INHBA: variants seen among roughly 807,000 people sequenced by gnomAD.
The protein encoded by INHBA is inhibin subunit beta A.
Under a neutral mutation model 29.0 loss-of-function variants are expected in INHBA, and 1 was observed. That is an observed-to-expected ratio of 0.03 (90% CI 0.01 to 0.16). INHBA has a LOEUF of 0.16. INHBA is among the 10% of genes least tolerant of loss of function. The pLI is 1.00. For missense variants in INHBA, 376 were observed against 545.4 expected (o/e 0.69, Z 3.09); for synonymous variants, 242 against 216.8 (o/e 1.12, Z -1.02).
chr7:41,696,961 G>A lies in INHBA; in HGVS notation c.388+3026C>T, dbSNP rs368232451. 1.5e-4 allele frequency among the ~76,000 whole-genome samples: 23 copies of A among 152,228 alleles called. No homozygotes were observed. In the East Asian group the frequency reaches 3.5e-3, roughly 23 times the overall value. On this transcript the variant is annotated intron_variant, in intron 2 of 2. Coordinates refer to ENST00000242208, the MANE Select transcript of INHBA (RefSeq NM_002192.4). ...TCTTTCCCTATTCTTTCTACAACAA[G>A]TGCTATCAATTGCTAAGCTAATTAC... is the stretch of plus-strand genomic sequence containing the variant.
Position 41,689,641 on chromosome 7 carries a change from T to C in INHBA, c.*9A>G. 1 of 1,546,564 alleles carries C rather than the reference T, an allele frequency of 6.5e-7. No homozygotes were observed. Among genetic ancestry groups the C allele is most frequent in the Non-Finnish European group, 8.7e-7 (1 of 1,146,788 alleles). On this transcript the variant is annotated 3_prime_UTR_variant, in exon 3 of 3. Coordinates refer to ENST00000242208, the MANE Select transcript of INHBA (RefSeq NM_002192.4). ...ACTCTTGCTCCCTTTCCCCCTGGGC[T>C]GGGCAACTCTATGAGCACCCACACT... is the stretch of plus-strand genomic sequence containing the variant.
upstream of INHBA, among the ~76,000 whole-genome samples, chr7:41,704,649 T>C (rs1024341523): frequency 1.9e-5 from 2 of 105,104 alleles, no homozygotes; most frequent in African/African-American, 7.0e-5. Flanking sequence ...TGTGTGTGTG[T>C]GTGTGTGTAG....
chr7:41,703,937 CT>C (rs36006177), upstream of INHBA, among the ~76,000 whole-genome samples: 135 of 152,000 alleles, frequency 8.9e-4, no homozygotes, highest in Non-Finnish European at 2.4e-4. Flanking sequence ...GCTGGTCAGG[CT>C]TTTTTTGTGG....
At chr7:41,698,971 A>C (rs1297584562) in intron 2 of INHBA, among the ~76,000 whole-genome samples, 2 of 152,240 alleles carry the variant, frequency 1.3e-5, no homozygotes, top group African/African-American at 4.8e-5. Context: ...TTAGCCTGGC[A>C]TTACCATGAA....
intron 2 of INHBA, among the ~76,000 whole-genome samples, chr7:41,695,416 C>G (rs1010667208): frequency 6.6e-6 from 1 of 152,212 alleles, no homozygotes; most frequent in African/African-American, 2.4e-5. Context: ...CTACCATTTA[C>G]AGGGTGCATT....
At chr7:41,697,985 AAGTCAACC>A (rs1291395768) in intron 2 of INHBA, among the ~76,000 whole-genome samples, 1 of 152,226 alleles carries the variant, frequency 6.6e-6, no homozygotes, top group Non-Finnish European at 1.5e-5. Context: ...TCAAGTTGTA[AAGTCAACC>A]AGGAGTTTCC....
chr7:41,698,266 G>T (rs984403153), intron 2 of INHBA, among the ~76,000 whole-genome samples: 7 of 152,230 alleles, frequency 4.6e-5, no homozygotes, highest in Admixed American at 4.6e-4. Flanking sequence ...GGGGCATATT[G>T]CTAGTAACGG....
rs994074587 is a variant in INHBA, at chr7:41,687,851, C to G, written c.*1799G>C. ...AAATATTATTTTTCTGAAAAAGCTT[C>G]TGATTTAAGATTGATTCCAATAGAC... On this transcript the variant is annotated 3_prime_UTR_variant, in exon 3 of 3. Transcript: ENST00000242208. The G allele has an allele frequency of 5.9e-5, 9 of 152,150 alleles. No individual in the cohort carries two copies. Among genetic ancestry groups the G allele is most frequent in the Non-Finnish European group, 1.0e-4 (7 of 68,028 alleles). The allele number at this position is 152,150 out of a possible 1,614,324, so 9.4% of individuals were successfully genotyped here.
In INHBA at chr7:41,687,788, T is replaced by C. The variant is rs893997315; in HGVS notation, c.*1862A>G. 4 of 152,218 alleles carry C rather than the reference T, an allele frequency of 2.6e-5. No individual in the cohort carries two copies. Among genetic ancestry groups the C allele is most frequent in the Admixed American group, 1.3e-4 (2 of 15,284 alleles). The allele number at this position is 152,218 out of a possible 1,614,324, so 9.4% of individuals were successfully genotyped here. On this transcript the variant is annotated 3_prime_UTR_variant, in exon 3 of 3. Transcript: ENST00000242208. ...AATATTTCTCACAACCAAGCCTTAA[T>C]CATTTTTAAAAAATACACTCAACTC...
chr7:41,699,443 A>C (rs1290056661), intron 2 of INHBA, among the ~76,000 whole-genome samples: 1 of 152,128 alleles, frequency 6.6e-6, no homozygotes, highest in Non-Finnish European at 1.5e-5. Context: ...GTCACTCATA[A>C]ATATGCCCTG....
chr7:41,697,630 GT>G (rs1794678096), intron 2 of INHBA, among the ~76,000 whole-genome samples: 1 of 152,210 alleles, frequency 6.6e-6, no homozygotes, highest in Non-Finnish European at 1.5e-5. Flanking sequence ...GCACAAAATG[GT>G]TATAAGGGAA....
In INHBA at chr7:41,686,749, C is replaced by T. The variant is rs898065745; in HGVS notation, c.*2901G>A. The T allele has an allele frequency of 1.4e-4, 21 of 152,190 alleles. No individual in the cohort carries two copies. Among genetic ancestry groups the T allele is most frequent in the Non-Finnish European group, 2.6e-4 (18 of 68,002 alleles). 9.4% of individuals were successfully genotyped at this position (152,190 alleles called of 1,614,324 possible). On this transcript the variant is annotated 3_prime_UTR_variant, in exon 3 of 3. Transcript: ENST00000242208. ...CACTAATCAACCCCCATGTTATCCC[C>T]GATATGTCTAGGACTTAGCTTAAAA...
At chr7:41,699,345 A>G (rs770397348) in intron 2 of INHBA, among the ~76,000 whole-genome samples, 1 of 152,120 alleles carries the variant, frequency 6.6e-6, no homozygotes, top group African/African-American at 2.4e-5. Flanking sequence ...CTGCTGGTTC[A>G]ATGACAACTG....
At chr7:41,698,460 T>C (rs1794698545) in intron 2 of INHBA, among the ~76,000 whole-genome samples, 1 of 152,164 alleles carries the variant, frequency 6.6e-6, no homozygotes, top group African/African-American at 2.4e-5. Flanking sequence ...AAATATTTTC[T>C]TTTTTACCTT....
intron 2 of INHBA, among the ~76,000 whole-genome samples, chr7:41,693,189 G>GTTTTTT: frequency 6.6e-6 from 1 of 152,330 alleles, no homozygotes; most frequent in East Asian, 1.9e-4. Flanking sequence ...GTTGGGTTTT[G>GTTTTTT]TTTTTCTAGG....
rs955841307 is a variant in INHBA, at chr7:41,689,653, T to C, written c.1278A>G (p.Ser426=). The change falls in exon 3 of 3, where the codon TCA becomes TCG. Residue 426 remains serine (S), a synonymous_variant. Transcript: ENST00000242208. ...QNMIVEECGC[S] Reference sequence around the variant, plus strand: ...TTTCCCCCTGGGCTGGGCAACTCTATGAGCACCCACACTCCTCCACGATCA... The same window carrying C: ...TTTCCCCCTGGGCTGGGCAACTCTACGAGCACCCACACTCCTCCACGATCA... 6.4e-7 allele frequency: 1 copy of C among 1,567,084 alleles called. No homozygotes were observed.
At chr7:41,691,958 G>A (rs1206683796) in intron 2 of INHBA, 2 of 152,218 alleles carry the variant, frequency 1.3e-5, no homozygotes, top group Non-Finnish European at 2.9e-5. Flanking sequence ...AGCAATCGCT[G>A]CTAATGGACA....
In INHBA at chr7:41,687,347, A is replaced by G. The variant is rs1394932598; in HGVS notation, c.*2303T>C. 2 of 152,228 alleles carry G rather than the reference A, an allele frequency of 1.3e-5. No homozygotes were observed. Among genetic ancestry groups the G allele is most frequent in the Non-Finnish European group, 2.9e-5 (2 of 68,036 alleles). The allele number at this position is 152,228 out of a possible 1,614,324, so 9.4% of individuals were successfully genotyped here. On this transcript the variant is annotated 3_prime_UTR_variant, in exon 3 of 3. Coordinates refer to ENST00000242208, the MANE Select transcript of INHBA (RefSeq NM_002192.4). The stretch of plus-strand genomic sequence containing the variant: ...TTCAATATTTTACAAAATATTAATT[A>G]ATGTAATTGTTCCCAATTATTAGAA...
intron 1 of INHBA, among the ~76,000 whole-genome samples, chr7:41,702,598 A>G (rs527869162): frequency 2.0e-5 from 3 of 152,338 alleles, no homozygotes; most frequent in African/African-American, 4.8e-5. Context: ...TTGCAGTTCA[A>G]TTAAGTTTTA....
Sources: gnomAD v4.1 joint callset for allele counts (sites outside exome capture counted in the v4.1 genomes callset) on GRCh38, gnomAD v4.1.1 for gene constraint, MANE v1.5 for transcripts, NCBI Gene and HGNC (gene_info 2026-07-23, HGNC 2026-07-21) for gene names.